SPON2: variants seen among roughly 807,000 people sequenced by gnomAD.
The protein encoded by SPON2 is spondin-2.
A neutral mutation model predicts 29.9 loss-of-function variants in SPON2; 32 were observed. That is an observed-to-expected ratio of 1.07 (90% CI 0.81 to 1.44). The LOEUF (loss-of-function observed/expected upper bound fraction) is 1.44, where lower values mean the gene tolerates loss of function less well. Ranked by LOEUF, SPON2 falls within the 40% of genes most tolerant of loss-of-function variation. SPON2 has a pLI of 0.00. For synonymous variants in SPON2, 248 were observed against 209.1 expected, an observed-to-expected ratio of 1.19 and a Z score of -1.61; for missense variants, 541 against 455.5, an observed-to-expected ratio of 1.19 and a Z score of -1.71.
At chr4:1,186,958 A>G (rs1311436708) in intron 1 of SPON2, among the ~76,000 whole-genome samples, 1 of 152,220 alleles carries the variant, frequency 6.6e-6, no homozygotes, top group Non-Finnish European at 1.5e-5. Flanking sequence ...TCCTATGAAA[A>G]ACACGATAAG....
At chr4:1,198,464 T>G (rs912781073), upstream of SPON2, among the ~76,000 whole-genome samples, 13 of 152,108 alleles carry the variant, frequency 8.5e-5, no homozygotes, top group African/African-American at 3.1e-4. Context: ...CAGGATAATC[T>G]AATTCAAAAA....
In SPON2 at chr4:1,167,526, G is replaced by A. The variant is rs374226578; in HGVS notation, c.942C>T (p.Ser314=). The change falls in exon 6 of 6, where the codon AGC becomes AGT. Residue 314 remains serine, a synonymous_variant. Coordinates refer to ENST00000290902, the MANE Select transcript of SPON2 (RefSeq NM_012445.4). ...CCTCTTCTTCGAGCTCGGGGCAGGG[G>A]CTCCCGTTGTTGGCGGGCTGGACCC... ...YVRVQPANNG[S]PCPELEEEAE... 3 of 1,613,786 alleles carry A rather than the reference G, an allele frequency of 1.9e-6. No individual in the cohort carries two copies. The highest frequency in any genetic ancestry group is 2.7e-5 in the African/African-American group (2 of 75,046).
At chr4:1,174,500 AAACAAAAAAAC>A (rs1727551665), upstream of SPON2, among the ~76,000 whole-genome samples, 2 of 149,786 alleles carry the variant, frequency 1.3e-5, no homozygotes, top group African/African-American at 5.0e-5. Context: ...AAAAAAAAAA[AAACAAAAAAAC>A]AAAAAACAAA....
rs766198016 is a variant in SPON2 at position 1,171,474 on chromosome 4, C to A, written c.233G>T (p.Ser78Ile). ...CTTCCTCCACATGCTGTAGTCGGAG[C>A]TATGCGCGGCCCCTGCAGGACCACC... The part of the protein sequence containing the change: ...QWSSLLGAAH[S>I]SDYSMWRKNQ... The change falls in exon 3 of 6, where the codon AGC (serine) becomes ATC (isoleucine). Residue 78 changes from serine (S) to isoleucine (I), a missense_variant. Ser to Ile is a moderately radical substitution (Grantham distance 142). Coordinates refer to ENST00000290902, the MANE Select transcript of SPON2 (RefSeq NM_012445.4). 4 of 1,611,616 alleles carry A rather than the reference C, an allele frequency of 2.5e-6. No individual in the cohort carries two copies. Among genetic ancestry groups the A allele is most frequent in the Non-Finnish European group, 3.4e-6 (4 of 1,179,324 alleles).
At chr4:1,193,849 C>CGTGGGAAGGACGTGGGGGACGGT (rs1727973597) in intron 1 of SPON2, among the ~76,000 whole-genome samples, 1 of 30,308 alleles carries the variant, frequency 3.3e-5, no homozygotes, top group Non-Finnish European at 6.3e-5. Context: ...GGGGGGGCAG[C>CGTGGGAAGGACGTGGGGGACGGT]GTGGGAAGGA....
At chr4:1,186,038 A>T (rs921486846) in intron 1 of SPON2, among the ~76,000 whole-genome samples, 19 of 150,258 alleles carry the variant, frequency 1.3e-4, no homozygotes, top group Non-Finnish European at 2.4e-4. Flanking sequence ...AGGTCAGGAG[A>T]TCGAGACCAT....
chr4:1,198,763 G>A (rs186090315), upstream of SPON2, among the ~76,000 whole-genome samples: 45 of 152,270 alleles, frequency 3.0e-4, no homozygotes, highest in East Asian at 8.1e-3. Flanking sequence ...AATTAGCACA[G>A]AAAATTCAGA....
chr4:1,174,486 C>CAAAAAAAAAAAAAAACAAAA (rs1727549540), upstream of SPON2, among the ~76,000 whole-genome samples: 4 of 94,288 alleles, frequency 4.2e-5, no homozygotes, highest in Admixed American at 1.0e-4. Context: ...GACTCCATCT[C>CAAAAAAAAAAAAAAACAAAA]AAAAAAAAAA....
In SPON2 at chr4:1,181,502, T is replaced by C. The variant is rs73793107; in HGVS notation, c.-238-1961A>G. 3.8e-3 allele frequency among the ~76,000 whole-genome samples: 580 copies of C among 152,244 alleles called. 4 individuals are homozygous for C. Among genetic ancestry groups the C allele is most frequent in the African/African-American group, 0.013 (538 of 41,520 alleles). On this transcript the variant is annotated intron_variant, in intron 1 of 3. Transcript: ENST00000502483. ...ACATTCTAGGAAGATTCTGGGAAGATGGTGGAGCAATAAGCACCAGAAATA... is the reference window on the plus strand; with the variant it reads ...ACATTCTAGGAAGATTCTGGGAAGACGGTGGAGCAATAAGCACCAGAAATA...
chr4:1,199,836 C>T (rs1728152461), upstream of SPON2: 1 of 152,334 alleles, frequency 6.6e-6, no homozygotes, highest in Non-Finnish European at 1.5e-5. This position sits in a 1 kb window ranked among gnomAD's most constrained non-coding sequence, Gnocchi z 4.5. Context: ...CTGGCAGGAA[C>T]AGTGTCTCCA....
At chr4:1,175,666 G>A (rs1416356345), upstream of SPON2, among the ~76,000 whole-genome samples, 3 of 151,786 alleles carry the variant, frequency 2.0e-5, no homozygotes, top group Admixed American at 6.6e-5. Flanking sequence ...CAGGCCTCGG[G>A]GGCTTCAGCT....
intron 5 of SPON2, among the ~76,000 whole-genome samples, chr4:1,168,426 A>C (rs1184443382): frequency 2.6e-5 from 4 of 152,226 alleles, no homozygotes; most frequent in Non-Finnish European, 4.4e-5. Context: ...TGGCTACTGA[A>C]GGATGAGAGA....
chr4:1,171,831 C>CGAG (rs1727461694), intron 2 of SPON2, 21 bp downstream of exon 2: 1 of 1,572,662 alleles, frequency 6.4e-7, no homozygotes, highest in African/African-American at 1.3e-5. Flanking sequence ...GAGCAGGAGG[C>CGAG]GAGGAGGGGG....
intron 1 of SPON2, among the ~76,000 whole-genome samples, chr4:1,204,168 G>A (rs776983455): frequency 5.3e-5 from 8 of 152,204 alleles, no homozygotes; most frequent in Non-Finnish European, 1.0e-4. Context: ...CACTGCGCCC[G>A]GCCTCTCCCA....
intron 1 of SPON2, among the ~76,000 whole-genome samples, chr4:1,186,425 T>A (rs1256572409): frequency 6.6e-6 from 1 of 151,718 alleles, no homozygotes; most frequent in Non-Finnish European, 1.5e-5. Flanking sequence ...TGTCTCAACC[T>A]CCCAAGTAGC....
upstream of SPON2, among the ~76,000 whole-genome samples, chr4:1,195,548 C>T (rs1401446671): frequency 6.6e-6 from 1 of 151,902 alleles, no homozygotes; most frequent in Non-Finnish European, 1.5e-5. Flanking sequence ...ATCCCGGGCA[C>T]CACATGTGGG....
At chr4:1,170,649 G>A (rs1452416401) in intron 4 of SPON2, 73 bp from the exon 5 acceptor site, 35 of 1,486,766 alleles carry the variant, frequency 2.4e-5, no homozygotes, top group Non-Finnish European at 3.1e-5. Flanking sequence ...GGCCTCACTG[G>A]GGCCACTGCC....
intron 1 of SPON2, among the ~76,000 whole-genome samples, chr4:1,203,387 T>C (rs1728262158): frequency 6.6e-6 from 1 of 152,194 alleles, no homozygotes; most frequent in African/African-American, 2.4e-5. Context: ...CCTCCTTCAC[T>C]TGGCAAATGT....
upstream of SPON2, chr4:1,172,908 C>CTT (rs1560203155): frequency 1.0e-5 from 1 of 96,852 alleles, no homozygotes; most frequent in East Asian, 3.2e-4. Flanking sequence ...CCTCCCCTCC[C>CTT]CTCCTCCCCT....
Sources: allele counts gnomAD v4.1 joint callset (sites outside exome capture counted in the v4.1 genomes callset), GRCh38; gene constraint gnomAD v4.1.1; non-coding constraint Gnocchi (gnomAD v3.1); transcripts MANE v1.5; gene names NCBI Gene and HGNC (gene_info 2026-07-23, HGNC 2026-07-21).